Variants in TIMD4 observed in about 807,000 individuals in gnomAD.
TIMD4 encodes T-cell immunoglobulin and mucin domain-containing protein 4.
TIMD4 carries 31 observed loss-of-function variants against 41.2 expected under a neutral mutation model. That is an observed-to-expected ratio of 0.75 (90% CI 0.57 to 1.01). TIMD4 has a LOEUF of 1.01. Among genes scored for constraint, TIMD4 ranks in the 50% least tolerant of loss-of-function variants. The pLI, the probability that TIMD4 is intolerant of heterozygous loss-of-function variation, is 0.00. For synonymous variants in TIMD4, 204 were observed against 177.1 expected (o/e 1.15, Z -1.21); for missense variants, 479 against 472.5 (o/e 1.01, Z -0.13).
intron 6 of TIMD4, 76 bp downstream of exon 6, chr5:156,926,187 A>G: frequency 6.7e-7 from 1 of 1,493,420 alleles, no homozygotes; most frequent in Non-Finnish European, 9.3e-7. Flanking sequence ...TATAGGCATG[A>G]GCCACCGTGC....
Position 156,951,609 on chromosome 5 carries a change from T to C in TIMD4, c.582A>G (p.Ala194=), listed in dbSNP as rs376625703. The C allele has an allele frequency of 7.1e-5, 115 of 1,614,042 alleles. No individual in the cohort carries two copies. Among genetic ancestry groups the C allele is most frequent in the Middle Eastern group, 4.9e-4 (3 of 6,084 alleles). ...TTGGGGTTAGTGAAAGGCACGTGTT[T>C]GCTGTTGTGAAGACGGCAATGGTTG... ...QMTTIAVFTT[A]NTCLSLTPST... Residue 194 remains alanine (A), a synonymous_variant, in exon 3 of 9, where the codon GCA becomes GCG. Transcript: ENST00000274532.
At chr5:156,959,667 G>A (rs1379306228) in intron 1 of TIMD4, among the ~76,000 whole-genome samples, 1 of 152,094 alleles carries the variant, frequency 6.6e-6, no homozygotes, top group Non-Finnish European at 1.5e-5. Context: ...AGAGTGAAGG[G>A]CATCTTTTAA....
chr5:156,925,713 A>AT (rs1272554163), intron 6 of TIMD4, among the ~76,000 whole-genome samples: 7 of 152,114 alleles, frequency 4.6e-5, no homozygotes, highest in African/African-American at 1.4e-4. Context: ...TGTTTTTTAT[A>AT]TTTTTTTCTT....
chr5:156,946,919 C>T (rs982842526), intron 5 of TIMD4, among the ~76,000 whole-genome samples: 8 of 151,430 alleles, frequency 5.3e-5, no homozygotes, highest in African/African-American at 1.9e-4. Flanking sequence ...CAAGATGGGC[C>T]GGGCAAGGTG....
intron 5 of TIMD4, among the ~76,000 whole-genome samples, chr5:156,934,869 A>G (rs1341477335): frequency 1.3e-5 from 2 of 152,358 alleles, no homozygotes; most frequent in East Asian, 1.9e-4. Flanking sequence ...TTTAAAACAG[A>G]TATCACATAT....
Position 156,951,507 on chromosome 5 carries a change from C to G in TIMD4, c.679+5G>C, listed in dbSNP as rs373499236. 1 of 1,613,984 alleles carries G rather than the reference C, an allele frequency of 6.2e-7. No individual in the cohort carries two copies. The highest frequency in any genetic ancestry group is 8.5e-7 in the Non-Finnish European group (1 of 1,179,948). On this transcript the variant is annotated splice_donor_5th_base_variant and intron_variant, in intron 3 of 8. Transcript: ENST00000274532. Reference sequence around the variant, plus strand: ...TTCTAAGAAACCCAAGATACATCTGCGTACCTGCAGTGAGGATGGGCCCTT... The same window carrying G: ...TTCTAAGAAACCCAAGATACATCTGGGTACCTGCAGTGAGGATGGGCCCTT...
chr5:156,942,800 G>A (rs1435373078), intron 5 of TIMD4, among the ~76,000 whole-genome samples: 1 of 152,160 alleles, frequency 6.6e-6, no homozygotes, highest in Non-Finnish European at 1.5e-5. Context: ...TGATTCTCAA[G>A]CCTAAATTAT....
At chr5:156,959,457 C>CA (rs961433055) in intron 1 of TIMD4, among the ~76,000 whole-genome samples, 51 of 149,614 alleles carry the variant, frequency 3.4e-4, no homozygotes, top group East Asian at 5.8e-4. Context: ...AGAAATAAGA[C>CA]AAAAAAAAAT....
intron 5 of TIMD4, among the ~76,000 whole-genome samples, chr5:156,934,431 G>A (rs59769557): frequency 0.033 from 4,958 of 151,788 alleles, 267 homozygotes; most frequent in African/African-American, 0.11. Context: ...AGTGTGTGTG[G>A]TTTTTTTTGT....
intron 5 of TIMD4, among the ~76,000 whole-genome samples, chr5:156,928,546 A>G (rs1398753037): frequency 6.6e-6 from 1 of 152,214 alleles, no homozygotes; most frequent in Non-Finnish European, 1.5e-5. Context: ...AATAAAACAC[A>G]CAGGGAGAGG....
At chr5:156,924,584 C>G (rs998471216) in intron 6 of TIMD4, 1 of 266,986 alleles carries the variant, frequency 3.7e-6, no homozygotes. Context: ...AGCAAGCCAT[C>G]GAGTTTGTGC....
intron 5 of TIMD4, among the ~76,000 whole-genome samples, chr5:156,935,167 T>C (rs1300190073): frequency 2.0e-5 from 3 of 151,968 alleles, no homozygotes; most frequent in South Asian, 2.1e-4. Context: ...GATTTGAAAT[T>C]GTCTCCTCCA....
At chr5:156,939,646 C>T (rs532674677) in intron 5 of TIMD4, among the ~76,000 whole-genome samples, 1 of 152,330 alleles carries the variant, frequency 6.6e-6, no homozygotes, top group South Asian at 2.1e-4. Flanking sequence ...AACTCTTCCT[C>T]ATGGAGCTGC....
intron 1 of TIMD4, among the ~76,000 whole-genome samples, chr5:156,956,739 C>T (rs1759978478): frequency 6.6e-6 from 1 of 152,230 alleles, no homozygotes; most frequent in African/African-American, 2.4e-5. Context: ...AAGTGAAAGC[C>T]AGGCAGGCTG....
chr5:156,950,360 ATGT>A (rs1487784157), intron 3 of TIMD4, among the ~76,000 whole-genome samples: 1 of 152,204 alleles, frequency 6.6e-6, no homozygotes, highest in Non-Finnish European at 1.5e-5. Context: ...GAAACTACAA[ATGT>A]TGTGTTTTAT....
chr5:156,944,946 A>C (rs1442737696), intron 5 of TIMD4, among the ~76,000 whole-genome samples: 1 of 152,178 alleles, frequency 6.6e-6, no homozygotes, highest in Non-Finnish European at 1.5e-5. Flanking sequence ...GGTCATGCTA[A>C]TTTTAGAGAA....
chr5:156,921,609 A>ACT (rs1233211286), intron 7 of TIMD4, among the ~76,000 whole-genome samples: 8 of 127,994 alleles, frequency 6.3e-5, no homozygotes, highest in African/African-American at 2.2e-4. Flanking sequence ...ACAGAATGAG[A>ACT]CTCTCTCAAA....
At chr5:156,958,952 C>A (rs561158305) in intron 1 of TIMD4, among the ~76,000 whole-genome samples, 1 of 151,814 alleles carries the variant, frequency 6.6e-6, no homozygotes, top group Non-Finnish European at 1.5e-5. Flanking sequence ...AATATAAAAC[C>A]CTTCTTGTAA....
chr5:156,920,513 C>T lies in TIMD4; in HGVS notation c.1013-10G>A. The T allele has an allele frequency of 6.2e-7, 1 of 1,613,968 alleles. No homozygotes were observed. Among genetic ancestry groups the T allele is most frequent in the Non-Finnish European group, 8.5e-7 (1 of 1,179,906 alleles). Reference sequence around the variant, plus strand: ...GTTTCCATGAGTTTCCCTGAAAAGACAAGGCCACAGTGTGAGCAGAGTGGC... The same window carrying T: ...GTTTCCATGAGTTTCCCTGAAAAGATAAGGCCACAGTGTGAGCAGAGTGGC... On this transcript the variant is annotated splice_polypyrimidine_tract_variant and intron_variant, in intron 7 of 8. Transcript: ENST00000274532.
Sources: gnomAD v4.1 joint callset for allele counts (sites outside exome capture counted in the v4.1 genomes callset) on GRCh38, gnomAD v4.1.1 for gene constraint, MANE v1.5 for transcripts, NCBI Gene and HGNC (gene_info 2026-07-23, HGNC 2026-07-21) for gene names.